ITGA1: variants seen among roughly 807,000 people sequenced by gnomAD.
The protein encoded by ITGA1 is integrin alpha-1.
Under a neutral mutation model 145.9 loss-of-function variants are expected in ITGA1, and 85 were observed. The observed-to-expected ratio is 0.58, with a 90% CI of 0.49 to 0.70. ITGA1 has a LOEUF of 0.70. Ranked by LOEUF, ITGA1 falls within the 30% of genes least tolerant of loss-of-function variation. The pLI, the probability that ITGA1 is intolerant of heterozygous loss-of-function variation, is 0.00. For synonymous variants in ITGA1, 520 were observed against 495.3 expected (o/e 1.05, Z -0.66); for missense variants, 1,351 against 1,418.7 (o/e 0.95, Z 0.77).
intron 1 of ITGA1, among the ~76,000 whole-genome samples, chr5:52,844,066 TG>T (rs974796429): frequency 2.0e-5 from 3 of 152,170 alleles, no homozygotes; most frequent in African/African-American, 7.2e-5. Context: ...GTAAAGTAAT[TG>T]CTCACAATTT....
At chr5:52,860,273 C>T (rs564211844) in intron 2 of ITGA1, among the ~76,000 whole-genome samples, 95 of 152,224 alleles carry the variant, frequency 6.2e-4, no homozygotes, top group African/African-American at 2.1e-3. Flanking sequence ...TCTGGCTGGG[C>T]GTGGTGGCTC....
chr5:52,846,899 A>C (rs1194444778), intron 1 of ITGA1, among the ~76,000 whole-genome samples: 2 of 152,220 alleles, frequency 1.3e-5, no homozygotes, highest in Non-Finnish European at 2.9e-5. Context: ...TTCCTTAACT[A>C]AGATGAAATA....
intron 1 of ITGA1, among the ~76,000 whole-genome samples, chr5:52,847,737 T>C (rs1410849322): frequency 6.6e-6 from 1 of 151,834 alleles, no homozygotes; most frequent in African/African-American, 2.4e-5. Context: ...ATATTTTTAG[T>C]AGAGATGGGA....
chr5:52,937,203 C>T (rs1329757659), intron 23 of ITGA1, among the ~76,000 whole-genome samples, 198 bp from the exon 24 acceptor site: 6 of 152,162 alleles, frequency 3.9e-5, no homozygotes, highest in Non-Finnish European at 5.9e-5. Flanking sequence ...CATACGGCTA[C>T]TGACCATTAA....
In ITGA1 at chr5:52,955,936, T is replaced by A. The variant is rs1412212730; in HGVS notation, c.*3485T>A. 1.4e-5 allele frequency: 1 copy of A among 69,362 alleles called. No homozygotes were observed. The highest frequency in any genetic ancestry group is 5.0e-5 in the African/African-American group (1 of 20,188). The allele number at this position is 69,362 out of a possible 1,614,324, so 4.3% of individuals were successfully genotyped here. A position where few individuals can be genotyped will look rare whatever the true frequency, so the allele number is the denominator to read the frequency against. Reference sequence around the variant, plus strand: ...ATAATTTTATCTATAAATGCGTATATACATATATATATATATATATATACA... The same window carrying A: ...ATAATTTTATCTATAAATGCGTATAAACATATATATATATATATATATACA... On this transcript the variant is annotated 3_prime_UTR_variant, in exon 29 of 29. Transcript: ENST00000282588.
At chr5:52,949,267 A>G (rs1751182465) in intron 28 of ITGA1, among the ~76,000 whole-genome samples, 1 of 152,182 alleles carries the variant, frequency 6.6e-6, no homozygotes, top group South Asian at 2.1e-4. Flanking sequence ...TAATACTCAT[A>G]TCAACCTTAT....
chr5:52,864,776 T>A lies in ITGA1; in HGVS notation c.309T>A (p.Ile103=). 6.2e-7 allele frequency: 1 copy of A among 1,607,700 alleles called. No homozygotes were observed. The highest frequency in any genetic ancestry group is 8.5e-7 in the Non-Finnish European group (1 of 1,176,688). The change falls in exon 4 of 29, where the codon ATT becomes ATA. Residue 103 remains isoleucine (I), a synonymous_variant. Coordinates refer to ENST00000282588, the MANE Select transcript of ITGA1 (RefSeq NM_181501.2). The part of the protein sequence containing the change: ...VKLDLPVNTS[I]PNVTEVKENM... Reference sequence around the variant, plus strand: ...TTCTATTTTTAGTTAATACATCAATTCCCAATGTCACAGAAGTAAAGGAGA... The same window carrying A: ...TTCTATTTTTAGTTAATACATCAATACCCAATGTCACAGAAGTAAAGGAGA...
intron 28 of ITGA1, among the ~76,000 whole-genome samples, chr5:52,951,504 G>A (rs1751218647): frequency 6.6e-6 from 1 of 152,088 alleles, no homozygotes; most frequent in Non-Finnish European, 1.5e-5. Flanking sequence ...CATCCACCAC[G>A]ATGTGAAATT....
At chr5:52,903,040 A>C (rs919275744) in intron 11 of ITGA1, 1 of 152,096 alleles carries the variant, frequency 6.6e-6, no homozygotes, top group Non-Finnish European at 1.5e-5. Flanking sequence ...AACTACGCTA[A>C]CTGGTAGTTA....
intron 1 of ITGA1, among the ~76,000 whole-genome samples, chr5:52,827,556 A>T (rs1466709512): frequency 6.6e-6 from 1 of 152,224 alleles, no homozygotes; most frequent in East Asian, 1.9e-4. Flanking sequence ...TAATCATTAG[A>T]TATTCAACCG....
intron 8 of ITGA1, among the ~76,000 whole-genome samples, chr5:52,889,049 C>T (rs1194474983): frequency 6.6e-6 from 1 of 152,208 alleles, no homozygotes; most frequent in Non-Finnish European, 1.5e-5. Flanking sequence ...GACTCACTTT[C>T]TCACATTAAC....
At position 52,932,195 on chromosome 5, in the gene ITGA1, G is replaced by A. The variant is rs10043218; in HGVS notation, c.2861+59G>A. ...TTCTATTAACCCAGTGGTTCTGAAAGTGTGGTCCCTGCCTGGCCAAGGGCA... is the reference window on the plus strand; with the variant it reads ...TTCTATTAACCCAGTGGTTCTGAAAATGTGGTCCCTGCCTGGCCAAGGGCA... On this transcript the variant is annotated intron_variant, in intron 22 of 28. Transcript: ENST00000282588. 7.6e-3 allele frequency: 8,207 copies of A among 1,083,976 alleles called. 489 individuals are homozygous for A. The African/African-American group carries it at 0.11, about 15-fold the overall frequency. The allele number at this position is 1,083,976 out of a possible 1,614,324, so 67.1% of individuals were successfully genotyped here. A position where few individuals can be genotyped will look rare whatever the true frequency, so the allele number is the denominator to read the frequency against.
chr5:52,895,895 A>G (rs1750216581), intron 9 of ITGA1, among the ~76,000 whole-genome samples: 1 of 152,122 alleles, frequency 6.6e-6, no homozygotes, highest in South Asian at 2.1e-4. Context: ...AAAAGGCTTT[A>G]TTTCTTTGTT....
chr5:52,868,941 C>G (rs1339914844), intron 6 of ITGA1, among the ~76,000 whole-genome samples: 1 of 152,130 alleles, frequency 6.6e-6, no homozygotes, highest in African/African-American at 2.4e-5. Context: ...GTTCCAAGCT[C>G]TATGCTATAG....
intron 14 of ITGA1, among the ~76,000 whole-genome samples, chr5:52,914,533 G>A (rs988990495): frequency 1.3e-5 from 2 of 151,970 alleles, no homozygotes; most frequent in Admixed American, 6.6e-5. Flanking sequence ...CTATTCGGGA[G>A]GCAGAGGCAG....
Position 52,942,797 on chromosome 5 carries a change from T to A in ITGA1, c.3286-2146T>A, listed in dbSNP as rs1016040223. On this transcript the variant is annotated intron_variant, in intron 26 of 28. Transcript: ENST00000282588. ...ACCTCATGATCTGCCCACCTCAGCC[T>A]CCCAAAGTGCTGGGATTACAGGCGT... 4.6e-5 allele frequency among the ~76,000 whole-genome samples: 7 copies of A among 151,738 alleles called. No individual in the cohort carries two copies. In the South Asian group the frequency reaches 1.5e-3, roughly 32 times the overall value.
chr5:52,788,358 C>A lies in ITGA1; in HGVS notation c.5C>A (p.Ala2Asp), dbSNP rs563673047. Residue 2 changes from alanine (A) to aspartate (D), a missense_variant, in exon 1 of 29, where the codon GCC (alanine) becomes GAC (aspartate). Ala to Asp is a moderately radical substitution (Grantham distance 126). Transcript: ENST00000282588. M[A>D]PRPRARPGVA... Reference sequence around the variant, plus strand: ...GGCGCTGAGGCTGCTCCGGCCATGGCCCCTCGGCCCCGCGCCCGCCCAGGG... The same window carrying A: ...GGCGCTGAGGCTGCTCCGGCCATGGACCCTCGGCCCCGCGCCCGCCCAGGG... 4.5e-5 allele frequency: 68 copies of A among 1,509,234 alleles called. No homozygotes were observed. The South Asian group carries it at 7.5e-4, about 17-fold the overall frequency. 93.5% of individuals were successfully genotyped at this position (1,509,234 alleles called of 1,614,324 possible).
chr5:52,851,144 T>G (rs1040234244), intron 2 of ITGA1, among the ~76,000 whole-genome samples: 1 of 152,244 alleles, frequency 6.6e-6, no homozygotes, highest in Non-Finnish European at 1.5e-5. Flanking sequence ...CTTTTAAGGA[T>G]GGTTAAATAT....
At position 52,957,707 on chromosome 5, in the gene ITGA1, G is replaced by A. The variant is rs1751324032; in HGVS notation, c.*5256G>A. The A allele has an allele frequency of 6.6e-6, 1 of 152,150 alleles. No homozygotes were observed. Among genetic ancestry groups the A allele is most frequent in the South Asian group, 2.1e-4 (1 of 4,832 alleles). The allele number at this position is 152,150 out of a possible 1,614,324, so 9.4% of individuals were successfully genotyped here. On this transcript the variant is annotated 3_prime_UTR_variant, in exon 29 of 29. Coordinates refer to ENST00000282588, the MANE Select transcript of ITGA1 (RefSeq NM_181501.2). ...TTCTCTGCCTTGTGCCCATAGCAGGGCCTTGGGTGGTGACATGTTATCTTT... is the reference window on the plus strand; with the variant it reads ...TTCTCTGCCTTGTGCCCATAGCAGGACCTTGGGTGGTGACATGTTATCTTT...
Sources: gnomAD v4.1 joint callset for allele counts (sites outside exome capture counted in the v4.1 genomes callset) on GRCh38, gnomAD v4.1.1 for gene constraint, MANE v1.5 for transcripts, NCBI Gene and HGNC (gene_info 2026-07-23, HGNC 2026-07-21) for gene names.